PCDHA6: variants seen among roughly 807,000 people sequenced by gnomAD.
PCDHA6 encodes the protein protocadherin alpha 6, also known as protocadherin alpha-6.
In PCDHA6, 55 loss-of-function variants were observed where a neutral mutation model predicts 60.3. The ratio of observed to expected loss-of-function variants is 0.91; its 90% CI spans 0.73 to 1.14. The LOEUF (loss-of-function observed/expected upper bound fraction) is 1.14, where lower values mean the gene tolerates loss of function less well. PCDHA6 is among the 50% of genes most tolerant of loss of function. PCDHA6 has a pLI of 0.00. For missense variants in PCDHA6, 1,327 were observed against 1,256.5 expected, an observed-to-expected ratio of 1.06 and a Z score of -0.85; for synonymous variants, 652 against 557.9, an observed-to-expected ratio of 1.17 and a Z score of -2.38.
chr5:140,839,247 T>A (rs1421904889), intron 1 of PCDHA6, among the ~76,000 whole-genome samples: 1 of 152,090 alleles, frequency 6.6e-6, no homozygotes, highest in African/African-American at 2.4e-5. Flanking sequence ...GCTTTGCTTT[T>A]ATGCTTACAT....
intron 1 of PCDHA6, among the ~76,000 whole-genome samples, chr5:140,933,313 C>T (rs977318847): frequency 3.9e-5 from 6 of 151,916 alleles, no homozygotes; most frequent in African/African-American, 1.4e-4. Context: ...TATGCAATCT[C>T]GTATTCTCCT....
At chr5:140,953,932 C>T (rs1005245846) in intron 1 of PCDHA6, among the ~76,000 whole-genome samples, 1 of 152,060 alleles carries the variant, frequency 6.6e-6, no homozygotes, top group Admixed American at 6.6e-5. Flanking sequence ...CTGATGCTCT[C>T]CCTCCCATTG....
intron 1 of PCDHA6, among the ~76,000 whole-genome samples, chr5:140,922,237 G>A (rs2080732766): frequency 6.6e-6 from 1 of 152,156 alleles, no homozygotes; most frequent in Non-Finnish European, 1.5e-5. Flanking sequence ...ACCATGATGT[G>A]TATGAAGATA....
chr5:140,848,724 G>T, intron 1 of PCDHA6: 5 of 1,592,662 alleles, frequency 3.1e-6, no homozygotes, highest in Non-Finnish European at 4.3e-6. Context: ...CCTTCTGGAG[G>T]TAAATCTGCA....
At chr5:140,980,704 G>T (rs2153822525) in intron 2 of PCDHA6, among the ~76,000 whole-genome samples, 1 of 151,890 alleles carries the variant, frequency 6.6e-6, no homozygotes, top group East Asian at 1.9e-4. Context: ...AGCCAAATGT[G>T]CTCCTATTCG....
intron 1 of PCDHA6, among the ~76,000 whole-genome samples, chr5:140,909,044 T>C (rs538559353): frequency 6.6e-6 from 1 of 152,336 alleles, no homozygotes; most frequent in South Asian, 2.1e-4. Context: ...TTCCATACTC[T>C]GGCATGCAAA....
intron 1 of PCDHA6, among the ~76,000 whole-genome samples, chr5:140,922,803 A>G (rs2080995467): frequency 6.6e-6 from 1 of 152,246 alleles, no homozygotes; most frequent in African/African-American, 2.4e-5. Flanking sequence ...TGGAATACAG[A>G]AAAAGGAGAT....
chr5:140,832,320 C>T (rs1189533156), intron 1 of PCDHA6, among the ~76,000 whole-genome samples: 1 of 152,296 alleles, frequency 6.6e-6, no homozygotes, highest in East Asian at 1.9e-4. Context: ...TGCTTAAGGG[C>T]CATTAGAGGA....
intron 1 of PCDHA6, among the ~76,000 whole-genome samples, chr5:140,957,228 T>C (rs1189952927): frequency 6.6e-6 from 1 of 152,148 alleles, no homozygotes; most frequent in Non-Finnish European, 1.5e-5. Flanking sequence ...TGGCGAAGCA[T>C]TTTGGCATGT....
Position 140,853,516 on chromosome 5 carries a change from C to T in PCDHA6, c.2394+23031C>T, listed in dbSNP as rs546400632. On this transcript the variant is annotated intron_variant, in intron 1 of 3. Coordinates refer to ENST00000529310, the MANE Select transcript of PCDHA6 (RefSeq NM_018909.4). The stretch of plus-strand genomic sequence containing the variant: ...TTAGAATCATGAAACAATAATGAAG[C>T]TCCTCCTATGTCTCTTTTCAAGTTG... 3.7e-4 allele frequency: 362 copies of T among 976,264 alleles called. 18 individuals are homozygous for T. In the South Asian group the frequency reaches 0.015, roughly 41 times the overall value. The allele number at this position is 976,264 out of a possible 1,614,324, so 60.5% of individuals were successfully genotyped here.
intron 1 of PCDHA6, among the ~76,000 whole-genome samples, chr5:140,897,061 T>C (rs1554187169): frequency 6.6e-6 from 1 of 152,134 alleles, no homozygotes; most frequent in Admixed American, 6.6e-5. Context: ...TCAAATACTA[T>C]GTCTTATTCA....
chr5:140,842,431 C>T (rs2150335989), intron 1 of PCDHA6: 4 of 1,613,646 alleles, frequency 2.5e-6, no homozygotes, highest in Non-Finnish European at 3.4e-6. Context: ...CTGTCATCGC[C>T]CTAATTAGCG....
chr5:140,905,643 A>G (rs532700036), intron 1 of PCDHA6, among the ~76,000 whole-genome samples: 1 of 152,306 alleles, frequency 6.6e-6, no homozygotes, highest in Non-Finnish European at 1.5e-5. Context: ...TCAGTTTCAC[A>G]GTATTGATTC....
At position 140,829,846 on chromosome 5, in the gene PCDHA6, G is replaced by C; in HGVS notation, c.1755G>C (p.Leu585=). Residue 585 remains leucine (L), a synonymous_variant, in exon 1 of 4, where the codon CTG becomes CTC. Coordinates refer to ENST00000529310, the MANE Select transcript of PCDHA6 (RefSeq NM_018909.4). ...TGAGCGAGCTGGTGCCGCGGTCACT[G>C]GGTGCAGGCCAAGTGGTGGCGAAGG... is the stretch of plus-strand genomic sequence containing the variant. ...GAVSELVPRS[L]GAGQVVAKVR... is the part of the protein sequence containing the mutation. The C allele has an allele frequency of 6.2e-7, 1 of 1,613,940 alleles. No individual in the cohort carries two copies.
chr5:140,957,968 T>C (rs1276763203), intron 1 of PCDHA6, among the ~76,000 whole-genome samples: 1 of 152,154 alleles, frequency 6.6e-6, no homozygotes, highest in Non-Finnish European at 1.5e-5. Flanking sequence ...TCAGAGATGC[T>C]GTATAAATAG....
intron 1 of PCDHA6, chr5:140,869,830 G>A: frequency 1.2e-6 from 2 of 1,611,658 alleles, no homozygotes; most frequent in Non-Finnish European, 1.7e-6. Flanking sequence ...TCCAGAGTTT[G>A]ATAAATCAGA....
chr5:140,843,688 A>T lies in PCDHA6; in HGVS notation c.2394+13203A>T, dbSNP rs181500612. 24 of 1,588,306 alleles carry T rather than the reference A, an allele frequency of 1.5e-5. 1 individual carries two copies. In the East Asian group the frequency reaches 4.7e-4, roughly 31 times the overall value. On this transcript the variant is annotated intron_variant, in intron 1 of 3. Transcript: ENST00000529310. The stretch of plus-strand genomic sequence containing the variant: ...GATCAGTTGATGTAGGCGAAGAGCA[A>T]GATTTAAATGTTGATCATGGCCTCA...
intron 1 of PCDHA6, chr5:140,926,592 C>T: frequency 3.3e-6 from 1 of 298,858 alleles, no homozygotes; most frequent in Non-Finnish European, 6.1e-6. Flanking sequence ...CGCGCCCGGG[C>T]GGGCGGCCTC....
intron 1 of PCDHA6, chr5:140,877,161 G>A: frequency 6.2e-7 from 1 of 1,613,828 alleles, no homozygotes; most frequent in South Asian, 1.1e-5. Context: ...ACAACGCGCC[G>A]GCACTGCTGG....
Sources: gnomAD v4.1 joint callset for allele counts (sites outside exome capture counted in the v4.1 genomes callset) on GRCh38, gnomAD v4.1.1 for gene constraint, MANE v1.5 for transcripts, NCBI Gene and HGNC (gene_info 2026-07-23, HGNC 2026-07-21) for gene names.